Variants in PI15 observed in about 807,000 individuals in gnomAD.
PI15 encodes the protein 25 kDa trypsin inhibitor.
PI15 carries 18 observed loss-of-function variants against 31.0 expected under a neutral mutation model. The ratio of observed to expected loss-of-function variants is 0.58; its 90% CI spans 0.40 to 0.86. The LOEUF (loss-of-function observed/expected upper bound fraction) is 0.86, where lower values mean the gene tolerates loss of function less well. Ranked by LOEUF, PI15 falls within the 40% of genes least tolerant of loss-of-function variation. PI15 has a pLI of 0.00. For synonymous variants in PI15, 118 were observed against 119.1 expected, an observed-to-expected ratio of 0.99 and a Z score of 0.06; for missense variants, 282 against 328.1, an observed-to-expected ratio of 0.86 and a Z score of 1.09.
intron 2 of PI15, among the ~76,000 whole-genome samples, chr8:74,831,547 G>A (rs893901279): frequency 8.5e-5 from 13 of 152,050 alleles, no homozygotes; most frequent in African/African-American, 1.2e-4. Context: ...ATTTTTACTC[G>A]TGTGCCTGGC....
At chr8:74,829,579 T>G (rs927016910) in intron 2 of PI15, among the ~76,000 whole-genome samples, 2 of 152,128 alleles carry the variant, frequency 1.3e-5, no homozygotes, top group African/African-American at 4.8e-5. Flanking sequence ...TTGAAAAACT[T>G]TGAGGTCCCT....
rs530612312 is a variant in PI15 at position 74,841,452 on chromosome 8, C to T, written c.274-2529C>T. ...TGACATGGCCTCAGTCGCAGATGACCTTAGCAGTGGAATTAGGGTTAGATT... is the reference window on the plus strand; with the variant it reads ...TGACATGGCCTCAGTCGCAGATGACTTTAGCAGTGGAATTAGGGTTAGATT... On this transcript the variant is annotated intron_variant, in intron 2 of 5. Transcript: ENST00000260113. 3.3e-5 allele frequency among the ~76,000 whole-genome samples: 5 copies of T among 152,294 alleles called. No homozygotes were observed. In the South Asian group the frequency reaches 1.0e-3, roughly 32 times the overall value.
intron 2 of PI15, among the ~76,000 whole-genome samples, chr8:74,831,813 A>T (rs774151455): frequency 3.3e-5 from 5 of 152,112 alleles, no homozygotes; most frequent in African/African-American, 4.8e-5. Context: ...TTAAGGAAAG[A>T]GGGATCTGTA....
intron 5 of PI15, among the ~76,000 whole-genome samples, chr8:74,848,714 AAT>A (rs148483473): frequency 3.5e-4 from 50 of 142,674 alleles, no homozygotes; most frequent in East Asian, 8.1e-4. Flanking sequence ...AATATATATA[AAT>A]ATATATATAT....
chr8:74,833,797 G>A (rs1810822364), intron 2 of PI15, among the ~76,000 whole-genome samples: 1 of 152,174 alleles, frequency 6.6e-6, no homozygotes, highest in Admixed American at 6.5e-5. Flanking sequence ...AAATAAAAAT[G>A]TTAAGAACAC....
intron 2 of PI15, among the ~76,000 whole-genome samples, chr8:74,836,456 G>A (rs1810873860): frequency 6.6e-6 from 1 of 152,098 alleles, no homozygotes; most frequent in South Asian, 2.1e-4. Flanking sequence ...GAGGGGTCTA[G>A]AAATACAATT....
At chr8:74,846,085 T>G (rs1811021300) in intron 5 of PI15, 1 of 152,744 alleles carries the variant, frequency 6.5e-6, no homozygotes, top group African/African-American at 2.4e-5. Context: ...AATAACTCTT[T>G]GGATGATAAA....
intron 2 of PI15, among the ~76,000 whole-genome samples, chr8:74,832,327 C>T (rs1276085780): frequency 6.6e-6 from 1 of 152,112 alleles, no homozygotes; most frequent in Admixed American, 6.6e-5. Flanking sequence ...AGGACACGCA[C>T]CTCTGGAGGT....
At chr8:74,826,010 G>A (rs1810693701) in intron 2 of PI15, among the ~76,000 whole-genome samples, 1 of 151,956 alleles carries the variant, frequency 6.6e-6, no homozygotes, top group South Asian at 2.1e-4. Context: ...TTTGGACAAA[G>A]TTCTTACTGA....
At chr8:74,834,141 C>T (rs539308486) in intron 2 of PI15, among the ~76,000 whole-genome samples, 134 of 152,246 alleles carry the variant, frequency 8.8e-4, no homozygotes, top group African/African-American at 2.9e-3. Flanking sequence ...TTCCACAAAA[C>T]GTTCCTGGTG....
chr8:74,828,754 C>G (rs984431316), intron 2 of PI15, among the ~76,000 whole-genome samples: 1 of 152,086 alleles, frequency 6.6e-6, no homozygotes, highest in Non-Finnish European at 1.5e-5. Context: ...GGGAACTTAA[C>G]AGAAGATGGT....
At chr8:74,845,600 A>G in intron 5 of PI15, 103 bp downstream of exon 5, 2 of 703,256 alleles carry the variant, frequency 2.8e-6, no homozygotes, top group Non-Finnish European at 5.2e-6. Flanking sequence ...GCTTAGCTAT[A>G]ATGGCCTCTA....
intron 3 of PI15, among the ~76,000 whole-genome samples, chr8:74,844,662 C>T (rs961706424): frequency 5.3e-5 from 8 of 152,008 alleles, no homozygotes; most frequent in African/African-American, 1.7e-4. Flanking sequence ...TCCAACACTC[C>T]AAATACCCAT....
chr8:74,848,986 A>G, intron 5 of PI15, 132 bp from the exon 6 acceptor site: 2 of 690,496 alleles, frequency 2.9e-6, no homozygotes, highest in Non-Finnish European at 4.9e-6. Flanking sequence ...TATAACTTTC[A>G]GTGACTTTCT....
chr8:74,825,336 C>T lies in PI15; in HGVS notation c.87C>T (p.Asp29=). 2 of 1,613,296 alleles carry T rather than the reference C, an allele frequency of 1.2e-6. No homozygotes were observed. The highest frequency in any genetic ancestry group is 1.7e-6 in the Non-Finnish European group (2 of 1,179,432). ...ASTVVLLNST[D]SSPPTNNFTD... is the part of the protein sequence containing the mutation. ...CCGTCGTCCTACTCAATTCCACTGA[C>T]TCATCCCCGCCAACCAATAATTTCA... Residue 29 remains aspartate (D), a synonymous_variant, in exon 2 of 6, where the codon GAC becomes GAT. Coordinates refer to ENST00000260113, the MANE Select transcript of PI15 (RefSeq NM_015886.5).
At chr8:74,825,086 AC>A (rs1376071611) in intron 1 of PI15, 123 bp from the exon 2 acceptor site, 1 of 687,342 alleles carries the variant, frequency 1.5e-6, no homozygotes, top group African/African-American at 1.8e-5. Flanking sequence ...CTTGAGTTCA[AC>A]ATTTGTTTGG....
In PI15 at chr8:74,850,122, C is replaced by T. The variant is rs1281456342; in HGVS notation, c.*869C>T. The T allele has an allele frequency of 6.6e-6, 1 of 152,164 alleles. No individual in the cohort carries two copies. The highest frequency in any genetic ancestry group is 1.5e-5 in the Non-Finnish European group (1 of 68,032). The allele number at this position is 152,164 out of a possible 1,614,324, so 9.4% of individuals were successfully genotyped here. On this transcript the variant is annotated 3_prime_UTR_variant, in exon 6 of 6. Coordinates refer to ENST00000260113, the MANE Select transcript of PI15 (RefSeq NM_015886.5). Reference sequence around the variant, plus strand: ...TTATTTTTGAAGGAAGCAGACACAGCAGTATTTACCTGTAGGTGGAGCAAG... The same window carrying T: ...TTATTTTTGAAGGAAGCAGACACAGTAGTATTTACCTGTAGGTGGAGCAAG...
chr8:74,844,256 G>A (rs1810988301), intron 3 of PI15, among the ~76,000 whole-genome samples, 157 bp downstream of exon 3: 1 of 152,166 alleles, frequency 6.6e-6, no homozygotes, highest in Non-Finnish European at 1.5e-5. Flanking sequence ...TATTTTAGAT[G>A]TCTTCCAGAA....
chr8:74,832,004 A>T (rs961457875), intron 2 of PI15, among the ~76,000 whole-genome samples: 2 of 152,112 alleles, frequency 1.3e-5, no homozygotes, highest in Admixed American at 1.3e-4. Context: ...GGTTTCAAGC[A>T]GGGAAGTTAT....
Sources: gnomAD v4.1 joint callset for allele counts (sites outside exome capture counted in the v4.1 genomes callset) on GRCh38, gnomAD v4.1.1 for gene constraint, MANE v1.5 for transcripts, NCBI Gene and HGNC (gene_info 2026-07-23, HGNC 2026-07-21) for gene names.